The following SPTAN1 variants were observed in gnomAD, a reference collection of about 807,000 sequenced individuals.
SPTAN1 encodes spectrin alpha chain, non-erythrocytic 1.
In SPTAN1, 61 loss-of-function variants were observed where a neutral mutation model predicts 331.3. That is an observed-to-expected ratio of 0.18 (90% confidence interval 0.15 to 0.23). The LOEUF (loss-of-function observed/expected upper bound fraction) is 0.23, where lower values mean the gene tolerates loss of function less well. Among genes scored for constraint, SPTAN1 ranks in the 10% least tolerant of loss-of-function variants. The pLI, the probability that SPTAN1 is intolerant of heterozygous loss-of-function variation, is 1.00. For synonymous variants in SPTAN1, 1,153 were observed against 1,173.9 expected (o/e 0.98, Z 0.36); for missense variants, 2,043 against 3,147.9 (o/e 0.65, Z 8.40).
In SPTAN1 at chr9:128,629,828, G is replaced by C; in HGVS notation, c.6708-493G>C. ...ACTTGTGTCCTTTGTCTGCAGGGTC[G>C]TGCTCTCATTCCCCCTAGAATGGGG... On this transcript the variant is annotated intron_variant, in intron 51 of 56. Transcript: ENST00000372739. The surrounding 1 kb of genome is among the most constrained non-coding windows in gnomAD (Gnocchi z 4.9). 3.3e-6 allele frequency: 1 copy of C among 305,334 alleles called. No individual in the cohort carries two copies. Among genetic ancestry groups the C allele is most frequent in the Non-Finnish European group, 6.5e-6 (1 of 154,158 alleles). The allele number at this position is 305,334 out of a possible 1,614,324, so 18.9% of individuals were successfully genotyped here.
At chr9:128,574,557 T>G (rs528905272) in intron 3 of SPTAN1, 118 bp from the exon 4 acceptor site, 12 of 1,205,874 alleles carry the variant, frequency 1.0e-5, no homozygotes, top group Non-Finnish European at 1.4e-5. Flanking sequence ...GGATTATCTT[T>G]TAAAAATATT....
intron 40 of SPTAN1, among the ~76,000 whole-genome samples, chr9:128,614,693 T>C (rs1198041452): frequency 1.3e-5 from 2 of 151,726 alleles, no homozygotes; most frequent in African/African-American, 4.8e-5. Context: ...TTCACTTGAG[T>C]CCAGGCAGGA....
At chr9:128,617,450 T>C (rs1441922599) in intron 41 of SPTAN1, among the ~76,000 whole-genome samples, 190 bp from the exon 42 acceptor site, 1 of 152,076 alleles carries the variant, frequency 6.6e-6, no homozygotes. Flanking sequence ...GGCTCATAGA[T>C]GCATAGATGG....
chr9:128,622,445 A>G (rs1374381147), intron 45 of SPTAN1, among the ~76,000 whole-genome samples: 1 of 151,840 alleles, frequency 6.6e-6, no homozygotes, highest in African/African-American at 2.4e-5. Flanking sequence ...GATTACAGGC[A>G]TGTGCCACTA....
rs1858993253 is a variant in SPTAN1 at position 128,627,784 on chromosome 9, C to T, written c.6690-141C>T. Reference sequence around the variant, plus strand: ...GCCCCAGCCATGACTTGGTGACAGACGATGCAGGGTCTGTGCGTTGGGTAC... The same window carrying T: ...GCCCCAGCCATGACTTGGTGACAGATGATGCAGGGTCTGTGCGTTGGGTAC... On this transcript the variant is annotated intron_variant, in intron 50 of 56. Coordinates refer to ENST00000372739, the MANE Select transcript of SPTAN1 (RefSeq NM_001130438.3). This position sits in a 1 kb window ranked among gnomAD's most constrained non-coding sequence, Gnocchi z 4.9. 16 of 1,107,370 alleles carry T rather than the reference C, an allele frequency of 1.4e-5. No individual in the cohort carries two copies. The East Asian group carries it at 2.1e-4, about 15-fold the overall frequency. 68.6% of individuals were successfully genotyped at this position (1,107,370 alleles called of 1,614,324 possible). A position where few individuals can be genotyped will look rare whatever the true frequency, so the allele number is the denominator to read the frequency against.
intron 21 of SPTAN1, 59 bp downstream of exon 21, chr9:128,589,002 G>C: frequency 6.2e-7 from 1 of 1,602,004 alleles, no homozygotes; most frequent in South Asian, 1.1e-5. Flanking sequence ...CGTATGCTCA[G>C]TTGGGTTTCT....
chr9:128,595,654 A>G (rs765478546), intron 24 of SPTAN1, among the ~76,000 whole-genome samples: 2 of 152,066 alleles, frequency 1.3e-5, no homozygotes, highest in Non-Finnish European at 2.9e-5. Context: ...CTAGTTCCGA[A>G]ACATTTGTGT....
At chr9:128,555,296 GT>G in intron 1 of SPTAN1, 1 of 1,172,178 alleles carries the variant, frequency 8.5e-7, no homozygotes. Flanking sequence ...TCATGATTTT[GT>G]TCCGTTTGCC....
chr9:128,612,352 C>A, intron 39 of SPTAN1, 106 bp downstream of exon 39: 9 of 1,404,216 alleles, frequency 6.4e-6, no homozygotes, highest in Non-Finnish European at 9.1e-6. Flanking sequence ...TCACCAGACA[C>A]CCCTTTTGAC....
intron 19 of SPTAN1, among the ~76,000 whole-genome samples, chr9:128,586,658 T>C (rs1466694900): frequency 6.6e-6 from 1 of 152,102 alleles, no homozygotes; most frequent in African/African-American, 2.4e-5. Flanking sequence ...TATACCCACA[T>C]ACCAACATGC....
At chr9:128,626,322 C>G in intron 48 of SPTAN1, 69 bp from the exon 49 acceptor site, 1 of 1,586,436 alleles carries the variant, frequency 6.3e-7, no homozygotes, top group Admixed American at 1.7e-5. Flanking sequence ...ACCCCGCACC[C>G]CACCTCCTGC....
At chr9:128,611,564 A>T in intron 37 of SPTAN1, 150 bp from the exon 38 acceptor site, 1 of 868,090 alleles carries the variant, frequency 1.2e-6, no homozygotes, top group East Asian at 2.7e-5. Context: ...AATATTTCAT[A>T]CAAACTCCAA....
At chr9:128,628,560 C>T (rs1859158716) in intron 51 of SPTAN1, 6 of 215,252 alleles carry the variant, frequency 2.8e-5, no homozygotes, top group East Asian at 2.4e-4. Flanking sequence ...TGGGCTGTCC[C>T]GCCCAGTCCC....
At chr9:128,587,423 C>A (rs1168562346) in intron 19 of SPTAN1, among the ~76,000 whole-genome samples, 183 bp from the exon 20 acceptor site, 1 of 152,110 alleles carries the variant, frequency 6.6e-6, no homozygotes. Context: ...ATATGATTGT[C>A]CCAAAAGATG....
chr9:128,569,468 T>C (rs1386373170), intron 3 of SPTAN1, among the ~76,000 whole-genome samples: 1 of 151,684 alleles, frequency 6.6e-6, no homozygotes, highest in East Asian at 1.9e-4. Flanking sequence ...TGCGAGTTTA[T>C]TGGAGCTGAG....
chr9:128,605,552 G>A, intron 31 of SPTAN1, 75 bp downstream of exon 31: 2 of 1,568,736 alleles, frequency 1.3e-6, no homozygotes, highest in Non-Finnish European at 1.7e-6. Context: ...TGTGAAAATA[G>A]TACATGCTCA....
intron 1 of SPTAN1, among the ~76,000 whole-genome samples, chr9:128,561,446 G>A (rs1036406944): frequency 1.5e-4 from 23 of 150,508 alleles, no homozygotes; most frequent in Admixed American, 6.0e-4. Flanking sequence ...GGCAGATCAC[G>A]AGGTCAAGAG....
rs759833805 is a variant in SPTAN1, at chr9:128,591,527, G to A, written c.3057G>A (p.Ala1019=). 6.3e-5 allele frequency: 102 copies of A among 1,614,054 alleles called. No individual in the cohort carries two copies. Among genetic ancestry groups the A allele is most frequent in the Middle Eastern group, 3.3e-4 (2 of 6,084 alleles). The part of the protein sequence containing the change: ...VNDRQGFVPA[A]YVKKLDPAQS... ...ATCGTCAGGGTTTTGTGCCGGCTGC[G>A]TACGTGAAGAAATTGGACCCCGCCC... Residue 1019 remains alanine, a synonymous_variant, in exon 22 of 57, where the codon GCG becomes GCA. Coordinates refer to ENST00000372739, the MANE Select transcript of SPTAN1 (RefSeq NM_001130438.3).
At chr9:128,605,567 G>A in intron 31 of SPTAN1, 90 bp downstream of exon 31, 2 of 1,506,966 alleles carry the variant, frequency 1.3e-6, no homozygotes, top group Non-Finnish European at 1.8e-6. Context: ...TGCTCAGCAG[G>A]GTACAATGGC....
Sources: allele counts gnomAD v4.1 joint callset (sites outside exome capture counted in the v4.1 genomes callset), GRCh38; gene constraint gnomAD v4.1.1; non-coding constraint Gnocchi (gnomAD v3.1); transcripts MANE v1.5; gene names NCBI Gene and HGNC (gene_info 2026-07-23, HGNC 2026-07-21).